SAMD5: variants seen among roughly 807,000 people sequenced by gnomAD.
SAMD5 encodes the protein sterile alpha motif domain containing 5.
SAMD5 carries 13 observed loss-of-function variants against 11.3 expected under a neutral mutation model. That is an observed-to-expected ratio of 1.15 (90% CI 0.75 to 1.83). SAMD5 has a LOEUF of 1.83. Ranked by LOEUF, SAMD5 falls within the 40% of genes most tolerant of loss-of-function variation. The pLI is 0.00. For missense variants in SAMD5, 255 were observed against 239.1 expected (o/e 1.07, Z -0.44); for synonymous variants, 129 against 111.3 (o/e 1.16, Z -1.00).
intron 1 of SAMD5, among the ~76,000 whole-genome samples, chr6:147,657,539 C>T (rs770601861): frequency 6.6e-6 from 1 of 152,150 alleles, no homozygotes; most frequent in African/African-American, 2.4e-5. Context: ...AATGTTGAAA[C>T]TAGGTGAAGC....
At chr6:147,948,874 C>T in the SAMD5 span, among the ~76,000 whole-genome samples, 4 of 152,108 alleles carry the variant, frequency 2.6e-5, no homozygotes, top group Admixed American at 6.5e-5. Context: ...GTTCAAAAGA[C>T]GCAGACATTG....
intron 1 of SAMD5, among the ~76,000 whole-genome samples, chr6:147,686,105 G>T (rs987730369): frequency 3.3e-5 from 5 of 152,184 alleles, no homozygotes; most frequent in African/African-American, 1.2e-4. Flanking sequence ...CTTTTGTAAA[G>T]TATCTATTCA....
chr6:147,740,640 T>C (rs980088772), downstream of SAMD5, among the ~76,000 whole-genome samples: 20 of 152,210 alleles, frequency 1.3e-4, no homozygotes, highest in Non-Finnish European at 7.3e-5. Flanking sequence ...AATTCAGCTC[T>C]TGCTTCAGAA....
chr6:147,634,646 T>G (rs1303782216), intron 1 of SAMD5, among the ~76,000 whole-genome samples: 5 of 152,238 alleles, frequency 3.3e-5, no homozygotes, highest in Non-Finnish European at 7.3e-5. Flanking sequence ...GTTTTATCTT[T>G]CCAACTAGAG....
At chr6:147,902,826 T>A in the SAMD5 span, among the ~76,000 whole-genome samples, 2 of 152,160 alleles carry the variant, frequency 1.3e-5, no homozygotes, top group Non-Finnish European at 2.9e-5. Context: ...CCTGCAGCCC[T>A]CTTATCACAT....
the SAMD5 span, among the ~76,000 whole-genome samples, chr6:147,827,295 CAGAA>C: frequency 6.7e-6 from 1 of 149,370 alleles, no homozygotes; most frequent in African/African-American, 2.5e-5. Flanking sequence ...CACATATACA[CAGAA>C]AGAAGGAAGG....
intron 1 of SAMD5, among the ~76,000 whole-genome samples, chr6:147,712,114 G>A (rs962958822): frequency 6.6e-6 from 1 of 152,074 alleles, no homozygotes; most frequent in African/African-American, 2.4e-5. Context: ...AATATTTTGT[G>A]GCCTTTATAG....
intron 1 of SAMD5, among the ~76,000 whole-genome samples, chr6:147,597,609 C>A (rs1466618868): frequency 6.6e-6 from 1 of 152,196 alleles, no homozygotes; most frequent in Non-Finnish European, 1.5e-5. Context: ...TCATCACATT[C>A]TAAAACATGA....
intron 1 of SAMD5, among the ~76,000 whole-genome samples, chr6:147,684,920 T>C (rs73011985): frequency 0.12 from 17,510 of 152,222 alleles, 1,106 homozygotes; most frequent in Middle Eastern, 0.16. Flanking sequence ...ATGAAAAAAT[T>C]AGTAAAACTA....
chr6:147,554,038 T>C (rs878904568), intron 1 of SAMD5, among the ~76,000 whole-genome samples: 1 of 152,010 alleles, frequency 6.6e-6, no homozygotes, highest in Non-Finnish European at 1.5e-5. Context: ...TTTAATTGAC[T>C]CACAGAACTG....
chr6:147,870,926 T>G, the SAMD5 span, among the ~76,000 whole-genome samples: 5 of 152,106 alleles, frequency 3.3e-5, no homozygotes, highest in Non-Finnish European at 7.4e-5. Context: ...ACTGTGCTTT[T>G]GAGGATAAAG....
At chr6:147,729,016 C>T (rs1434589881) in intron 1 of SAMD5, among the ~76,000 whole-genome samples, 1 of 152,142 alleles carries the variant, frequency 6.6e-6, no homozygotes, top group Non-Finnish European at 1.5e-5. Context: ...TTTATTTGTT[C>T]GCAGTTCTGG....
At chr6:147,550,236 C>G (rs1175758913) in intron 1 of SAMD5, among the ~76,000 whole-genome samples, 1 of 151,956 alleles carries the variant, frequency 6.6e-6, no homozygotes, top group African/African-American at 2.4e-5. Context: ...AGACTCTTGT[C>G]TCTCTTAAAA....
At chr6:147,869,875 GTTGT>G in the SAMD5 span, among the ~76,000 whole-genome samples, 7 of 151,920 alleles carry the variant, frequency 4.6e-5, no homozygotes, top group South Asian at 2.1e-4. Context: ...CTTTTTCTTT[GTTGT>G]TTGTTTGTTT....
At position 147,607,511 on chromosome 6, in the gene SAMD5, C is replaced by G. The variant is rs1040971943; in HGVS notation, c.162+98124C>G. 3.3e-5 allele frequency among the ~76,000 whole-genome samples: 5 copies of G among 151,958 alleles called. No individual in the cohort carries two copies. The East Asian group carries it at 9.6e-4, about 29-fold the overall frequency. ...AGACCAATGGGACAGAATGGAGAAC[C>G]CAGAAACATGTCCACACACCTACAG... On this transcript the variant is annotated intron_variant, in intron 1 of 1. Coordinates refer to the SAMD5 transcript ENST00000566741.
intron 1 of SAMD5, among the ~76,000 whole-genome samples, chr6:147,667,116 A>G (rs1178843580): frequency 1.3e-5 from 2 of 152,164 alleles, no homozygotes; most frequent in Non-Finnish European, 2.9e-5. Flanking sequence ...TCAGCCTGGT[A>G]TGAAAGTGGT....
In SAMD5 at chr6:147,568,621, G is replaced by A; in HGVS notation, c.*4165G>A. On this transcript the variant is annotated 3_prime_UTR_variant, in exon 2 of 2. Coordinates refer to ENST00000367474, the MANE Select transcript of SAMD5 (RefSeq NM_001030060.3). The stretch of plus-strand genomic sequence containing the variant: ...GCTGACATCTTGTGCTTACAGTAAA[G>A]CCATATAGATGCACACATAGTGACT... 1.0e-6 allele frequency: 1 copy of A among 985,320 alleles called. No homozygotes were observed. The highest frequency in any genetic ancestry group is 1.7e-5 in the African/African-American group (1 of 57,362). The allele number at this position is 985,320 out of a possible 1,614,324, so 61.0% of individuals were successfully genotyped here. A position where few individuals can be genotyped will look rare whatever the true frequency, so the allele number is the denominator to read the frequency against.
chr6:147,570,601 T>A (rs1789122283), downstream of SAMD5, among the ~76,000 whole-genome samples: 1 of 152,094 alleles, frequency 6.6e-6, no homozygotes, highest in Admixed American at 6.5e-5. Flanking sequence ...TTTATCACAG[T>A]GTTTTGGGTT....
chr6:147,654,234 G>A (rs1205427927), intron 1 of SAMD5, among the ~76,000 whole-genome samples: 1 of 152,170 alleles, frequency 6.6e-6, no homozygotes, highest in Non-Finnish European at 1.5e-5. Context: ...GTCATGGTCT[G>A]TAGGTGGTGA....
Sources: gnomAD v4.1 joint callset for allele counts (sites outside exome capture counted in the v4.1 genomes callset) on GRCh38, gnomAD v4.1.1 for gene constraint, MANE v1.5 for transcripts, NCBI Gene and HGNC (gene_info 2026-07-23, HGNC 2026-07-21) for gene names.